TAF1B: variants seen among roughly 807,000 people sequenced by gnomAD.
The protein encoded by TAF1B is TATA-box binding protein associated factor, RNA polymerase I subunit B.
TAF1B carries 61 observed loss-of-function variants against 83.9 expected under a neutral mutation model. That is an observed-to-expected ratio of 0.73 (90% CI 0.59 to 0.90). The LOEUF (loss-of-function observed/expected upper bound fraction) is 0.90, where lower values mean the gene tolerates loss of function less well. Ranked by LOEUF, TAF1B falls within the 40% of genes least tolerant of loss-of-function variation. TAF1B has a pLI of 0.00. For synonymous variants in TAF1B, 221 were observed against 224.6 expected (o/e 0.98, Z 0.14); for missense variants, 625 against 677.0 (o/e 0.92, Z 0.85).
intron 14 of TAF1B, among the ~76,000 whole-genome samples, chr2:9,933,290 G>A (rs957215303): frequency 3.3e-5 from 5 of 152,172 alleles, no homozygotes; most frequent in African/African-American, 1.2e-4. Context: ...ATCTTGTAAC[G>A]GAAGGCTTTC....
At chr2:9,881,578 A>C (rs1378249910) in intron 7 of TAF1B, among the ~76,000 whole-genome samples, 3 of 152,036 alleles carry the variant, frequency 2.0e-5, no homozygotes, top group African/African-American at 7.3e-5. Flanking sequence ...ACTCTACCTA[A>C]CATACTATAG....
intron 7 of TAF1B, among the ~76,000 whole-genome samples, chr2:9,877,036 C>T (rs761192215): frequency 1.3e-5 from 2 of 152,160 alleles, no homozygotes; most frequent in African/African-American, 4.8e-5. Context: ...CAAATAAAAA[C>T]GCTTTCCTCA....
intron 8 of TAF1B, among the ~76,000 whole-genome samples, chr2:9,903,231 G>A (rs1225372923): frequency 5.3e-5 from 8 of 151,976 alleles, no homozygotes; most frequent in Non-Finnish European, 7.4e-5. Flanking sequence ...GACTACAGGC[G>A]CCCGCCACCA....
intron 7 of TAF1B, among the ~76,000 whole-genome samples, chr2:9,880,553 T>G (rs984129672): frequency 2.7e-5 from 4 of 150,640 alleles, no homozygotes; most frequent in Non-Finnish European, 5.9e-5. Flanking sequence ...TTTGCGGACA[T>G]TTCTGCTTCC....
intron 8 of TAF1B, among the ~76,000 whole-genome samples, chr2:9,897,484 C>T (rs1439087529): frequency 6.6e-6 from 1 of 152,140 alleles, no homozygotes; most frequent in Non-Finnish European, 1.5e-5. Flanking sequence ...AAGTACATCT[C>T]CAATATTTTG....
chr2:9,888,965 G>A (rs1456116924), intron 8 of TAF1B, among the ~76,000 whole-genome samples: 6 of 133,432 alleles, frequency 4.5e-5, no homozygotes, highest in Admixed American at 2.3e-4. Flanking sequence ...CACCACACCC[G>A]GCTAATTTGT....
At chr2:9,891,614 G>A (rs454269) in intron 8 of TAF1B, among the ~76,000 whole-genome samples, 13 of 152,052 alleles carry the variant, frequency 8.5e-5, no homozygotes, top group Admixed American at 2.6e-4. Flanking sequence ...GGCAGGTTCC[G>A]TAGGAGATAT....
chr2:9,866,295 C>G (rs977071344), intron 5 of TAF1B, among the ~76,000 whole-genome samples: 3 of 152,136 alleles, frequency 2.0e-5, no homozygotes, highest in African/African-American at 7.2e-5. Context: ...AGTCATTTCT[C>G]AAAAGAAGAC....
At chr2:9,851,687 G>A (rs767706402) in intron 4 of TAF1B, 49 bp downstream of exon 4, 11 of 1,447,848 alleles carry the variant, frequency 7.6e-6, no homozygotes, top group Non-Finnish European at 9.6e-6. Flanking sequence ...TTTGTTTAAA[G>A]AACAGTAAGA....
intron 8 of TAF1B, among the ~76,000 whole-genome samples, chr2:9,904,267 C>T (rs1665276769): frequency 6.6e-6 from 1 of 152,156 alleles, no homozygotes; most frequent in Non-Finnish European, 1.5e-5. Flanking sequence ...TCACCCTCCA[C>T]CCTCAAGTAG....
intron 5 of TAF1B, among the ~76,000 whole-genome samples, chr2:9,862,612 C>T (rs7563385): frequency 0.24 from 36,758 of 151,948 alleles, 5,011 homozygotes; most frequent in East Asian, 0.31. Context: ...AGATACTCCT[C>T]GAGAAGAGCA....
At chr2:9,844,189 C>T (rs1166818919) in intron 1 of TAF1B, among the ~76,000 whole-genome samples, 2 of 152,126 alleles carry the variant, frequency 1.3e-5, no homozygotes, top group Non-Finnish European at 2.9e-5. Context: ...CTCACTTCTT[C>T]CCCCAGGCTG....
At chr2:9,899,631 T>G (rs1665121860) in intron 8 of TAF1B, among the ~76,000 whole-genome samples, 1 of 150,848 alleles carries the variant, frequency 6.6e-6, no homozygotes, top group African/African-American at 2.5e-5. Flanking sequence ...AAGTCTATAT[T>G]TAATTTTTTA....
rs1478607713 is a variant in TAF1B at position 9,914,055 on chromosome 2, T to C, written c.1271+806T>C. Among the ~76,000 whole-genome samples the C allele has an allele frequency of 6.6e-6, 1 of 152,178 alleles. No individual in the cohort carries two copies. The highest frequency in any genetic ancestry group is 1.5e-5 in the Non-Finnish European group (1 of 68,016). ...AGCTCCTATTTCTTCATCAGTAAAA[T>C]AGACATAATAATGCCCACTTATATA... On this transcript the variant is annotated intron_variant, in intron 12 of 14. Transcript: ENST00000263663. This position sits in a 1 kb window ranked among gnomAD's most constrained non-coding sequence, Gnocchi z 4.3.
At chr2:9,907,235 G>T (rs1374262368) in intron 9 of TAF1B, among the ~76,000 whole-genome samples, 6 of 150,260 alleles carry the variant, frequency 4.0e-5, no homozygotes, top group African/African-American at 1.5e-4. Context: ...ATTAAGTTAC[G>T]ATAGTCCCTA....
chr2:9,843,857 A>G (rs927030838), intron 1 of TAF1B: 20 of 281,680 alleles, frequency 7.1e-5, no homozygotes, highest in Admixed American at 5.4e-4. Context: ...GTGGCCACCC[A>G]CAGGGCTCAT....
chr2:9,877,855 CTCTT>C (rs1664370620), intron 7 of TAF1B, among the ~76,000 whole-genome samples: 1 of 152,044 alleles, frequency 6.6e-6, no homozygotes, highest in African/African-American at 2.4e-5. Context: ...TCCTCTCTCT[CTCTT>C]TCCCTCTCCT....
chr2:9,854,483 A>G lies in TAF1B; in HGVS notation c.399+62A>G, dbSNP rs968651460. 1.1e-5 allele frequency: 14 copies of G among 1,225,044 alleles called. No homozygotes were observed. The Admixed American group carries it at 1.4e-4, about 12-fold the overall frequency. 75.9% of individuals were successfully genotyped at this position (1,225,044 alleles called of 1,614,324 possible). A position where few individuals can be genotyped will look rare whatever the true frequency, so the allele number is the denominator to read the frequency against. ...TGTCTGTTGAGATGTAGAGATGAAG[A>G]TGGGTTCATGACCAGTTTGAGTATC... On this transcript the variant is annotated intron_variant, in intron 5 of 14. Coordinates refer to ENST00000263663, the MANE Select transcript of TAF1B (RefSeq NM_005680.3).
chr2:9,901,802 AT>A (rs1033697845), intron 8 of TAF1B, among the ~76,000 whole-genome samples: 1 of 152,164 alleles, frequency 6.6e-6, no homozygotes, highest in Non-Finnish European at 1.5e-5. Flanking sequence ...CTGAGAACTT[AT>A]GTTTTTCTTT....
Sources: gnomAD v4.1 joint callset for allele counts (sites outside exome capture counted in the v4.1 genomes callset) on GRCh38, gnomAD v4.1.1 for gene constraint, Gnocchi (gnomAD v3.1) non-coding constraint, MANE v1.5 for transcripts, NCBI Gene and HGNC (gene_info 2026-07-23, HGNC 2026-07-21) for gene names.